The following TIPIN variants were observed in gnomAD, a reference collection of about 807,000 sequenced individuals.
The protein encoded by TIPIN is TIMELESS-interacting protein.
A neutral mutation model predicts 35.6 loss-of-function variants in TIPIN; 29 were observed. The ratio of observed to expected loss-of-function variants is 0.82; its 90% CI spans 0.61 to 1.11. The LOEUF (loss-of-function observed/expected upper bound fraction) is 1.11. Among genes scored for constraint, TIPIN ranks in the 50% most tolerant of loss-of-function variants. The pLI is 0.00. For missense variants in TIPIN, 296 were observed against 345.4 expected (o/e 0.86, Z 1.13); for synonymous variants, 102 against 121.5 (o/e 0.84, Z 1.06).
chr15:66,350,701 G>A lies in TIPIN; in HGVS notation c.288+824C>T, dbSNP rs1387804856. 5.3e-5 allele frequency among the ~76,000 whole-genome samples: 8 copies of A among 151,632 alleles called. No individual in the cohort carries two copies. The South Asian group carries it at 6.2e-4, about 12-fold the overall frequency. On this transcript the variant is annotated intron_variant, in intron 4 of 7. Coordinates refer to ENST00000261881, the MANE Select transcript of TIPIN (RefSeq NM_017858.3). ...TCCCAGCACTTTGGGAGGCCAAGGC[G>A]GGCGGATCACGAGGTCAGGAGATCA...
At chr15:66,364,601 C>G (rs947645899) in intron 1 of TIPIN, among the ~76,000 whole-genome samples, 1 of 152,126 alleles carries the variant, frequency 6.6e-6, no homozygotes, top group Non-Finnish European at 1.5e-5. Flanking sequence ...CATGTATACA[C>G]TGGGGCATTC....
chr15:66,364,514 G>A (rs965593968), intron 1 of TIPIN, among the ~76,000 whole-genome samples: 34 of 151,992 alleles, frequency 2.2e-4, no homozygotes, highest in African/African-American at 7.7e-4. Context: ...AAAGGACAAG[G>A]ACCCTCTAAA....
intron 2 of TIPIN, 148 bp from the exon 3 acceptor site, chr15:66,352,355 G>C (rs1187088416): frequency 4.8e-6 from 3 of 625,796 alleles, no homozygotes; most frequent in East Asian, 6.1e-5. Flanking sequence ...CTGGAGTGCA[G>C]TGGTGCGATC....
intron 1 of TIPIN, chr15:66,371,153 G>A: frequency 1.2e-6 from 1 of 840,398 alleles, no homozygotes; most frequent in Non-Finnish European, 1.4e-6. Flanking sequence ...AGAGGTTGCA[G>A]TGAGCTGAGA....
Position 66,355,853 on chromosome 15 carries a change from C to T in TIPIN, c.-9+786G>A, listed in dbSNP as rs2093201047. Among the ~76,000 whole-genome samples, 4 of 152,162 alleles carry T rather than the reference C, an allele frequency of 2.6e-5. No individual in the cohort carries two copies. The South Asian group carries it at 8.3e-4, about 32-fold the overall frequency. Reference sequence around the variant, plus strand: ...TCAGACCTTTGAGGCTGACAGCGAGCTTTGAGTTTGATGACAGTACCTAAA... The same window carrying T: ...TCAGACCTTTGAGGCTGACAGCGAGTTTTGAGTTTGATGACAGTACCTAAA... On this transcript the variant is annotated intron_variant, in intron 1 of 7. Coordinates refer to ENST00000261881, the MANE Select transcript of TIPIN (RefSeq NM_017858.3).
At chr15:66,348,507 TA>T (rs386383314) in intron 6 of TIPIN, 6,752 of 95,130 alleles carry the variant, frequency 0.071, 504 homozygotes, top group African/African-American at 0.24. Context: ...CCATCTCTAC[TA>T]AAAAAAAAAA....
intron 1 of TIPIN, among the ~76,000 whole-genome samples, chr15:66,378,502 T>C (rs926351590): frequency 1.3e-5 from 2 of 152,210 alleles, no homozygotes; most frequent in Non-Finnish European, 2.9e-5. Flanking sequence ...ATGTTTATTT[T>C]CTCAGCTTAC....
intron 1 of TIPIN, among the ~76,000 whole-genome samples, chr15:66,385,417 A>T (rs1329960497): frequency 1.3e-5 from 2 of 152,086 alleles, no homozygotes; most frequent in African/African-American, 4.8e-5. Context: ...TTAAATGGGT[A>T]TTGTGCCTCT....
intron 1 of TIPIN, chr15:66,382,152 C>G (rs1172815697): frequency 6.2e-6 from 1 of 160,392 alleles, no homozygotes; most frequent in Admixed American, 6.5e-5. Flanking sequence ...ATGTTAGGCA[C>G]TATTCTTTCA....
intron 1 of TIPIN, among the ~76,000 whole-genome samples, chr15:66,385,219 A>G (rs549623028): frequency 4.6e-5 from 7 of 152,252 alleles, no homozygotes; most frequent in African/African-American, 1.7e-4. Flanking sequence ...CCAGGTGTTC[A>G]AGCCCTCTTC....
chr15:66,375,970 G>A (rs1319973604), intron 1 of TIPIN, among the ~76,000 whole-genome samples: 5 of 151,882 alleles, frequency 3.3e-5, no homozygotes, highest in Admixed American at 6.6e-5. Context: ...TCACGGCGGC[G>A]CACGCCTGTA....
chr15:66,356,623 G>T lies in TIPIN; in HGVS notation c.-9+16C>A, dbSNP rs910252415. On this transcript the variant is annotated intron_variant, in intron 1 of 7. Transcript: ENST00000261881. ...CTCCCCGCAAGAACTTCATTGGCCC[G>T]CCAGCCAGCTCTCACCTCACGCAGA... 3 of 976,122 alleles carry T rather than the reference G, an allele frequency of 3.1e-6. No individual in the cohort carries two copies. The highest frequency in any genetic ancestry group is 3.6e-6 in the Non-Finnish European group (3 of 825,052). The allele number at this position is 976,122 out of a possible 1,614,324, so 60.5% of individuals were successfully genotyped here.
At chr15:66,384,158 G>A (rs898587956) in intron 1 of TIPIN, among the ~76,000 whole-genome samples, 2 of 151,546 alleles carry the variant, frequency 1.3e-5, no homozygotes, top group South Asian at 2.1e-4. Context: ...CACCACGCCC[G>A]GCTAATTTTT....
upstream of TIPIN, among the ~76,000 whole-genome samples, chr15:66,361,573 A>AAC (rs2093231437): frequency 9.9e-6 from 1 of 101,408 alleles, no homozygotes; most frequent in Non-Finnish European, 2.6e-5. Flanking sequence ...AAAAAAAAAA[A>AAC]AAAAAACAGC....
At chr15:66,376,299 TG>T (rs1416389281) in intron 1 of TIPIN, among the ~76,000 whole-genome samples, 2 of 152,222 alleles carry the variant, frequency 1.3e-5, no homozygotes, top group Non-Finnish European at 2.9e-5. Flanking sequence ...ATGATTTATT[TG>T]TATGTCATAA....
intron 1 of TIPIN, among the ~76,000 whole-genome samples, chr15:66,373,587 C>G (rs935857101): frequency 2.0e-5 from 3 of 152,042 alleles, no homozygotes; most frequent in Non-Finnish European, 4.4e-5. Context: ...AAGATATCGC[C>G]AGTTTTCCAA....
intron 1 of TIPIN, among the ~76,000 whole-genome samples, chr15:66,382,468 C>T (rs933195614): frequency 1.3e-5 from 2 of 152,142 alleles, no homozygotes; most frequent in African/African-American, 2.4e-5. Context: ...GCCTTGACTT[C>T]GGCTCAAGCG....
intron 6 of TIPIN, among the ~76,000 whole-genome samples, chr15:66,344,600 C>A (rs921095868): frequency 6.7e-6 from 1 of 150,344 alleles, no homozygotes; most frequent in Non-Finnish European, 1.5e-5. Context: ...CCTATAATCC[C>A]AGCACTTTGG....
intron 1 of TIPIN, among the ~76,000 whole-genome samples, chr15:66,364,158 C>CTTTTTTTTTTT (rs747825457): frequency 9.5e-5 from 7 of 73,782 alleles, no homozygotes; most frequent in East Asian, 4.7e-4. Context: ...TCTTTCTTTT[C>CTTTTTTTTTTT]TTTTTTTTTT....
Sources: allele counts gnomAD v4.1 joint callset (sites outside exome capture counted in the v4.1 genomes callset), GRCh38; gene constraint gnomAD v4.1.1; transcripts MANE v1.5; gene names NCBI Gene and HGNC (gene_info 2026-07-23, HGNC 2026-07-21).